Variants in IARS1 observed in about 807,000 individuals in gnomAD.
The protein encoded by IARS1 is isoleucine--tRNA ligase, cytoplasmic.
Under a neutral mutation model 168.2 loss-of-function variants are expected in IARS1, and 124 were observed. The ratio of observed to expected loss-of-function variants is 0.74; its 90% CI spans 0.64 to 0.86. IARS1 has a LOEUF of 0.86. Among genes scored for constraint, IARS1 ranks in the 40% least tolerant of loss-of-function variants. The pLI is 0.00. For missense variants in IARS1, 1,452 were observed against 1,515.8 expected (o/e 0.96, Z 0.70); for synonymous variants, 532 against 529.4 (o/e 1.00, Z -0.07).
At position 92,263,029 on chromosome 9, in the gene IARS1, G is replaced by A. The variant is rs781261186; in HGVS notation, c.1727C>T (p.Thr576Met). ...GAAAGGCGGTTGTCCAAAGAGGGCC[G>A]TGGCCAGCACCAGCAGGGTATAAAA... Reference protein sequence around the residue: ...GWFYTLLVLATALFGQPPFKN... With the variant: ...GWFYTLLVLAMALFGQPPFKN... Residue 576 changes from threonine to methionine, a missense_variant, in exon 17 of 34, where the codon ACG (threonine) becomes ATG (methionine). Coordinates refer to ENST00000443024, the MANE Select transcript of IARS1 (RefSeq NM_002161.6). The A allele has an allele frequency of 2.3e-5, 37 of 1,613,788 alleles. No homozygotes were observed. The highest frequency in any genetic ancestry group is 2.9e-5 in the Non-Finnish European group (34 of 1,179,862).
chr9:92,252,764 C>CAAAAAAAAAAAA lies in IARS1; in HGVS notation c.2229+586_2229+597dup, dbSNP rs34983021. ...GGGTGACAAGAGTGAAACTCCTTCT[C>CAAAAAAAAAAAA]AAAAAAAAAAAAAAAAAAAAAAAAA... is the stretch of plus-strand genomic sequence containing the variant. On this transcript the variant is annotated intron_variant, in intron 21 of 33. Transcript: ENST00000443024. Among the ~76,000 whole-genome samples the CAAAAAAAAAAAA allele has an allele frequency of 7.7e-4, 21 of 27,236 alleles. 2 individuals are homozygous for CAAAAAAAAAAAA. Among genetic ancestry groups the CAAAAAAAAAAAA allele is most frequent in the African/African-American group, 1.9e-3 (13 of 6,880 alleles). The allele number at this position is 27,236 out of a possible 152,430, so 17.9% of individuals were successfully genotyped here.
chr9:92,210,794 T>A lies in IARS1; in HGVS notation c.*13A>T. 1 of 1,560,280 alleles carries A rather than the reference T, an allele frequency of 6.4e-7. No homozygotes were observed. Among genetic ancestry groups the A allele is most frequent in the African/African-American group, 1.4e-5 (1 of 73,188 alleles). On this transcript the variant is annotated 3_prime_UTR_variant, in exon 34 of 34. Coordinates refer to ENST00000443024, the MANE Select transcript of IARS1 (RefSeq NM_002161.6). ...TAGGGAAGGGCTGACCGAACAACAT[T>A]GATAAGTACATGCTAGAAGTCTGCT...
chr9:92,288,396 A>G, intron 2 of IARS1, 114 bp from the exon 3 acceptor site: 1 of 844,542 alleles, frequency 1.2e-6, no homozygotes, highest in African/African-American at 1.7e-5. Context: ...CAGCAAGATC[A>G]GGAAACCGAC....
intron 1 of IARS1, among the ~76,000 whole-genome samples, chr9:92,293,044 C>A (rs1836631565): frequency 6.6e-6 from 1 of 152,180 alleles, no homozygotes. Context: ...TTTTCATTCT[C>A]CTCTAAATCC....
chr9:92,263,425 T>C (rs1228476893), intron 16 of IARS1, among the ~76,000 whole-genome samples: 1 of 152,136 alleles, frequency 6.6e-6, no homozygotes, highest in Non-Finnish European at 1.5e-5. Flanking sequence ...GACAATTTGA[T>C]GACAAAAGAT....
Position 92,250,273 on chromosome 9 carries a change from T to G in IARS1, c.2446A>C (p.Lys816Gln). Residue 816 changes from lysine to glutamine, a missense_variant, in exon 24 of 34, where the codon AAG becomes CAG. Physicochemically the swap from Lys to Gln is moderately conservative, Grantham distance 53. Transcript: ENST00000443024. Reference sequence around the variant, plus strand: ...TGAGATACTGCACTCTCTGTTTTCTTGTCAATCAATTCTTCTCTGAGTGGT... The same window carrying G: ...TGAGATACTGCACTCTCTGTTTTCTGGTCAATCAATTCTTCTCTGAGTGGT... ...LPRVREELID[K>Q]KTESAVSQMQ... is the part of the protein sequence containing the mutation. 1 of 1,604,126 alleles carries G rather than the reference T, an allele frequency of 6.2e-7. No homozygotes were observed. Among genetic ancestry groups the G allele is most frequent in the Non-Finnish European group, 8.5e-7 (1 of 1,170,984 alleles).
chr9:92,281,073 TAA>T (rs1033449371), intron 6 of IARS1, among the ~76,000 whole-genome samples, 180 bp from the exon 7 acceptor site: 11 of 151,142 alleles, frequency 7.3e-5, no homozygotes, highest in African/African-American at 2.4e-4. Flanking sequence ...TTAAATACTT[TAA>T]AAAATGTTTT....
chr9:92,234,278 G>A (rs1018089287), intron 30 of IARS1, among the ~76,000 whole-genome samples: 5 of 152,150 alleles, frequency 3.3e-5, no homozygotes, highest in African/African-American at 1.2e-4. Flanking sequence ...AAAGGGTATA[G>A]AAAAAGGCCA....
intron 18 of IARS1, 64 bp downstream of exon 18, chr9:92,260,087 T>C (rs1831300939): frequency 4.8e-6 from 5 of 1,042,210 alleles, no homozygotes; most frequent in African/African-American, 3.1e-5. Context: ...TACTGATTAA[T>C]AGTATAGGAG....
chr9:92,219,942 C>G (rs1304554851), intron 33 of IARS1, among the ~76,000 whole-genome samples: 3 of 151,938 alleles, frequency 2.0e-5, no homozygotes, highest in African/African-American at 7.3e-5. Context: ...GACTATAAAT[C>G]ATGCTGCTAT....
At chr9:92,232,848 T>C (rs1826929238) in intron 30 of IARS1, among the ~76,000 whole-genome samples, 1 of 152,306 alleles carries the variant, frequency 6.6e-6, no homozygotes, top group East Asian at 1.9e-4. Context: ...TTTATAACTT[T>C]GTGACTTTCT....
At chr9:92,238,706 T>C (rs1420573075) in intron 30 of IARS1, among the ~76,000 whole-genome samples, 1 of 152,224 alleles carries the variant, frequency 6.6e-6, no homozygotes, top group African/African-American at 2.4e-5. Context: ...TAGGGTTTTA[T>C]ATGTATCCTG....
At chr9:92,257,911 G>A (rs567461039) in intron 19 of IARS1, among the ~76,000 whole-genome samples, 4 of 152,294 alleles carry the variant, frequency 2.6e-5, no homozygotes, top group African/African-American at 7.2e-5. Context: ...TGAAGGTGAT[G>A]GACGCTGACA....
At chr9:92,244,356 G>A (rs1243036736) in intron 27 of IARS1, among the ~76,000 whole-genome samples, 4 of 152,114 alleles carry the variant, frequency 2.6e-5, no homozygotes, top group Admixed American at 6.6e-5. Flanking sequence ...TCATGGAGGT[G>A]CTGCTCTACC....
At chr9:92,264,167 T>C (rs1246517066) in intron 16 of IARS1, among the ~76,000 whole-genome samples, 1 of 151,960 alleles carries the variant, frequency 6.6e-6, no homozygotes, top group Non-Finnish European at 1.5e-5. Flanking sequence ...AAACCCAGTC[T>C]CTACTAAAAC....
chr9:92,266,601 C>T (rs536553829), intron 14 of IARS1, among the ~76,000 whole-genome samples: 3 of 152,260 alleles, frequency 2.0e-5, no homozygotes, highest in South Asian at 2.1e-4. Flanking sequence ...AGATGGAGCC[C>T]GATGGGAGGC....
intron 26 of IARS1, 128 bp from the exon 27 acceptor site, chr9:92,245,199 T>A: frequency 1.4e-6 from 1 of 710,166 alleles, no homozygotes; most frequent in Non-Finnish European, 2.5e-6. Context: ...CAAGAGATCA[T>A]TTCCCTCTGA....
chr9:92,247,276 CAGGAAAG>C, intron 26 of IARS1, 94 bp downstream of exon 26: 1 of 1,059,998 alleles, frequency 9.4e-7, no homozygotes. Context: ...CACGACAGGA[CAGGAAAG>C]GAAAGGATGT....
chr9:92,236,631 T>C (rs1827576938), intron 30 of IARS1, among the ~76,000 whole-genome samples: 1 of 152,162 alleles, frequency 6.6e-6, no homozygotes, highest in Admixed American at 6.5e-5. Context: ...CCAGACCACT[T>C]GAGGCCAGGA....
Sources: gnomAD v4.1 joint callset for allele counts (sites outside exome capture counted in the v4.1 genomes callset) on GRCh38, gnomAD v4.1.1 for gene constraint, MANE v1.5 for transcripts, NCBI Gene and HGNC (gene_info 2026-07-23, HGNC 2026-07-21) for gene names.